PHKB: variants seen among roughly 807,000 people sequenced by gnomAD.
The protein encoded by PHKB is phosphorylase b kinase regulatory subunit beta.
A neutral mutation model predicts 152.1 loss-of-function variants in PHKB; 122 were observed. That is an observed-to-expected ratio of 0.80 (90% confidence interval 0.69 to 0.93). The LOEUF is 0.93. Ranked by LOEUF, PHKB falls within the 40% of genes least tolerant of loss-of-function variation. The pLI is 0.00. For missense variants in PHKB, 1,304 were observed against 1,328.4 expected, an observed-to-expected ratio of 0.98 and a Z score of 0.29; for synonymous variants, 436 against 464.9, an observed-to-expected ratio of 0.94 and a Z score of 0.80.
intron 1 of PHKB, among the ~76,000 whole-genome samples, chr16:47,473,948 A>G (rs1969824968): frequency 6.6e-6 from 1 of 152,216 alleles, no homozygotes; most frequent in Non-Finnish European, 1.5e-5. Context: ...CATTCTGTAC[A>G]GTAGGTCACT....
chr16:47,563,876 A>G lies in PHKB; in HGVS notation c.710+16328A>G, dbSNP rs142360178. On this transcript the variant is annotated intron_variant, in intron 7 of 30. Coordinates refer to ENST00000323584, the MANE Select transcript of PHKB (RefSeq NM_000293.3). ...TTCTGTATGCCTTTGTGTACCCTTCATTTAGCTCCCACTTGCAAGGGAGAA... is the reference window on the plus strand; with the variant it reads ...TTCTGTATGCCTTTGTGTACCCTTCGTTTAGCTCCCACTTGCAAGGGAGAA... 3.0e-4 allele frequency among the ~76,000 whole-genome samples: 45 copies of G among 151,806 alleles called. No individual in the cohort carries two copies. The East Asian group carries it at 7.2e-3, about 24-fold the overall frequency.
At position 47,661,799 on chromosome 16, in the gene PHKB, A is replaced by G. The variant is rs759980168; in HGVS notation, c.2277A>G (p.Glu759=). The G allele has an allele frequency of 1.2e-6, 2 of 1,604,520 alleles. No individual in the cohort carries two copies. Among genetic ancestry groups the G allele is most frequent in the East Asian group, 4.5e-5 (2 of 44,826 alleles). ...KREGPNFITK[E]GTVSDHIERV... Reference sequence around the variant, plus strand: ...AAGGCCCCAACTTCATCACAAAGGAAGGTAAGCATGCATGTCTAGGAGAAC... The same window carrying G: ...AAGGCCCCAACTTCATCACAAAGGAGGGTAAGCATGCATGTCTAGGAGAAC... The change falls in exon 23 of 31, where the codon GAA becomes GAG. Residue 759 remains glutamate (E), a splice_region_variant and synonymous_variant. Transcript: ENST00000323584.
intron 16 of PHKB, among the ~76,000 whole-genome samples, chr16:47,647,647 G>A (rs964963929): frequency 1.7e-4 from 26 of 151,624 alleles, no homozygotes; most frequent in Non-Finnish European, 2.5e-4. Context: ...ACAGGCACCC[G>A]CCACCACGCC....
chr16:47,472,638 C>T lies in PHKB; in HGVS notation c.76+11212C>T, dbSNP rs753663981. Among the ~76,000 whole-genome samples, 46 of 152,056 alleles carry T rather than the reference C, an allele frequency of 3.0e-4. 1 individual carries two copies. The highest frequency in any genetic ancestry group is 5.4e-4 in the Non-Finnish European group (37 of 68,002). ...TCTACTAAAAATACAAAAAAGTTAG[C>T]GAGGCGTGGTGGTGGGCACCTGTAA... is the stretch of plus-strand genomic sequence containing the variant. On this transcript the variant is annotated intron_variant, in intron 1 of 30. Transcript: ENST00000323584.
intron 16 of PHKB, among the ~76,000 whole-genome samples, chr16:47,647,910 T>C (rs1973163091): frequency 6.6e-6 from 1 of 152,206 alleles, no homozygotes; most frequent in African/African-American, 2.4e-5. Context: ...GTGTATAATA[T>C]GAGTATATAT....
At chr16:47,607,411 C>A (rs894292848) in intron 13 of PHKB, among the ~76,000 whole-genome samples, 1 of 152,160 alleles carries the variant, frequency 6.6e-6, no homozygotes, top group African/African-American at 2.4e-5. Flanking sequence ...TATTTGGGAC[C>A]TTTCATGTAA....
chr16:47,637,795 A>G (rs1200204887), intron 14 of PHKB, among the ~76,000 whole-genome samples: 1 of 152,202 alleles, frequency 6.6e-6, no homozygotes, highest in Non-Finnish European at 1.5e-5. Context: ...CTATAACAAA[A>G]TACCATAAAC....
At chr16:47,584,643 G>A (rs1347686425) in intron 8 of PHKB, among the ~76,000 whole-genome samples, 3 of 152,158 alleles carry the variant, frequency 2.0e-5, no homozygotes, top group Non-Finnish European at 4.4e-5. Context: ...ACCCTTTCCG[G>A]AAGAATACAT....
At chr16:47,640,507 A>G (rs1200969) in intron 14 of PHKB, among the ~76,000 whole-genome samples, 1,904 of 152,324 alleles carry the variant, frequency 0.012, 34 homozygotes, top group African/African-American at 0.043. Context: ...TACATAGTCA[A>G]CTGGGTAGTT....
chr16:47,695,615 A>T lies in PHKB; in HGVS notation c.2896-766A>T, dbSNP rs765857952. Among the ~76,000 whole-genome samples, 179 of 152,302 alleles carry T rather than the reference A, an allele frequency of 1.2e-3. 1 individual carries two copies. Among genetic ancestry groups the T allele is most frequent in the Non-Finnish European group, 2.1e-3 (141 of 68,024 alleles). ...CTGAACCTGATTGAGTTCACTGTAA[A>T]CTATCACTGAGGTGAAAACAAGTAT... On this transcript the variant is annotated intron_variant, in intron 28 of 30. Transcript: ENST00000323584.
rs201402032 is a variant in PHKB at position 47,661,815 on chromosome 16, C to G, written c.2278+15C>G. ...CACAAAGGAAGGTAAGCATGCATGTCTAGGAGAACATTTTAAGAGGACCTC... is the reference window on the plus strand; with the variant it reads ...CACAAAGGAAGGTAAGCATGCATGTGTAGGAGAACATTTTAAGAGGACCTC... On this transcript the variant is annotated intron_variant, in intron 23 of 30. Coordinates refer to ENST00000323584, the MANE Select transcript of PHKB (RefSeq NM_000293.3). 8.8e-4 allele frequency: 1,362 copies of G among 1,547,740 alleles called. 20 individuals are homozygous for G. The South Asian group carries it at 0.015, about 16-fold the overall frequency.
intron 26 of PHKB, among the ~76,000 whole-genome samples, chr16:47,682,804 G>A (rs868147679): frequency 1.1e-4 from 16 of 152,222 alleles, no homozygotes; most frequent in Middle Eastern, 3.2e-3. Flanking sequence ...CGTTGCTGGT[G>A]AGGAGCTGCA....
intron 1 of PHKB, among the ~76,000 whole-genome samples, chr16:47,485,640 A>C (rs1970036438): frequency 6.6e-6 from 1 of 152,106 alleles, no homozygotes; most frequent in African/African-American, 2.4e-5. Flanking sequence ...ATTTATCTAG[A>C]GATAAGGTCT....
At chr16:47,694,400 C>T (rs1974113726) in intron 28 of PHKB, among the ~76,000 whole-genome samples, 1 of 151,952 alleles carries the variant, frequency 6.6e-6, no homozygotes, top group Non-Finnish European at 1.5e-5. Flanking sequence ...AGGCACAGAC[C>T]CACACTCATT....
At position 47,515,969 on chromosome 16, in the gene PHKB, C is replaced by T. The variant is rs547139459; in HGVS notation, c.594+368C>T. Among the ~76,000 whole-genome samples, 537 of 150,424 alleles carry T rather than the reference C, an allele frequency of 3.6e-3. 1 individual carries two copies. The highest frequency in any genetic ancestry group is 6.2e-3 in the Non-Finnish European group (417 of 67,800). ...TTTGAGATGGAGTCTTGCTCTGTCACGGGGCTGGAGTGCAGTGGTATGATC... is the reference window on the plus strand; with the variant it reads ...TTTGAGATGGAGTCTTGCTCTGTCATGGGGCTGGAGTGCAGTGGTATGATC... On this transcript the variant is annotated intron_variant, in intron 6 of 30. Coordinates refer to ENST00000323584, the MANE Select transcript of PHKB (RefSeq NM_000293.3).
chr16:47,602,898 C>A (rs943088689), intron 13 of PHKB, among the ~76,000 whole-genome samples: 1 of 152,110 alleles, frequency 6.6e-6, no homozygotes, highest in Non-Finnish European at 1.5e-5. Context: ...TCCAGTAGCT[C>A]ACTAACAAGA....
intron 26 of PHKB, among the ~76,000 whole-genome samples, chr16:47,687,524 G>A (rs1399566875): frequency 6.6e-6 from 1 of 152,148 alleles, no homozygotes; most frequent in Non-Finnish European, 1.5e-5. Context: ...TCTGTTACAT[G>A]TTCTGTTGTT....
In PHKB at chr16:47,648,589, GC is replaced by G. The variant is rs773802117; in HGVS notation, c.1668del (p.Ile557LeufsTer13). On this transcript the variant is annotated frameshift_variant, in exon 17 of 31. Coordinates refer to ENST00000323584, the MANE Select transcript of PHKB (RefSeq NM_000293.3). LOFTEE classifies it high-confidence loss of function. The part of the protein sequence containing the change: ...KLGLSGRPDR[P>X]IGCLGTSKIY... ...TAGGACTCTCTGGAAGGCCAGACAG[GC>G]CCATTGGCTGCCTCGGGACATCAAA... 1.2e-6 allele frequency: 2 copies of G among 1,613,080 alleles called. No homozygotes were observed. The highest frequency in any genetic ancestry group is 1.7e-6 in the Non-Finnish European group (2 of 1,179,140).
chr16:47,700,928 T>G lies in PHKB; in HGVS notation c.*1562T>G, dbSNP rs1974237629. 1 of 152,204 alleles carries G rather than the reference T, an allele frequency of 6.6e-6. No homozygotes were observed. The highest frequency in any genetic ancestry group is 6.5e-5 in the Admixed American group (1 of 15,280). 9.4% of individuals were successfully genotyped at this position (152,204 alleles called of 1,614,324 possible). ...ACATTGAGGTACAGTGCCGAGATCT[T>G]GCATAAGAAATTGTATGGATATTAG... On this transcript the variant is annotated 3_prime_UTR_variant, in exon 31 of 31. Coordinates refer to ENST00000323584, the MANE Select transcript of PHKB (RefSeq NM_000293.3).
Sources: allele counts gnomAD v4.1 joint callset (sites outside exome capture counted in the v4.1 genomes callset), GRCh38; gene constraint gnomAD v4.1.1; transcripts MANE v1.5; gene names NCBI Gene and HGNC (gene_info 2026-07-23, HGNC 2026-07-21).